The following ZFHX2 variants were observed in gnomAD, a reference collection of about 807,000 sequenced individuals.
ZFHX2 encodes zinc finger homeobox protein 2.
ZFHX2 carries 75 observed loss-of-function variants against 164.8 expected under a neutral mutation model. The observed-to-expected ratio is 0.46, with a 90% CI of 0.38 to 0.55. The LOEUF is 0.55. ZFHX2 is among the 20% of genes least tolerant of loss of function. The probability of loss-of-function intolerance (pLI) is 0.00; values close to 1 mark genes in which losing one functional copy is unlikely to be tolerated. For synonymous variants in ZFHX2, 1,217 were observed against 1,351.4 expected, an observed-to-expected ratio of 0.90 and a Z score of 2.18; for missense variants, 2,933 against 3,308.0, an observed-to-expected ratio of 0.89 and a Z score of 2.78.
chr14:23,524,042 G>A lies in ZFHX2; in HGVS notation c.5900C>T (p.Pro1967Leu). The A allele has an allele frequency of 1.3e-6, 2 of 1,513,942 alleles. No homozygotes were observed. The highest frequency in any genetic ancestry group is 4.9e-5 in the East Asian group (2 of 40,694). The allele number at this position is 1,513,942 out of a possible 1,614,324, so 93.8% of individuals were successfully genotyped here. ...AGAAGCAAGCGTGGCAGTGGGGTAG[G>A]GAAAAGCAGGTGCTTCCCTCTTTGG... ...EAPKREAPAF[P>L]YPTATLASGP... Residue 1967 changes from proline (P) to leucine (L), a missense_variant, in exon 9 of 10, where the codon CCC (proline) becomes CTC (leucine). Pro to Leu is a moderately conservative substitution (Grantham distance 98). Transcript: ENST00000419474. The surrounding 1 kb of genome is among the most constrained non-coding windows in gnomAD (Gnocchi z 5.6).
At chr14:23,531,883 T>C (rs1297238578) in intron 3 of ZFHX2, 162 bp from the exon 4 acceptor site, 1 of 966,138 alleles carries the variant, frequency 1.0e-6, no homozygotes, top group Non-Finnish European at 1.3e-6. Flanking sequence ...GTTCAGTGAT[T>C]CTCATGCCTC....
rs1690476415 is a variant in ZFHX2, at chr14:23,523,455, C to T, written c.6487G>A (p.Gly2163Ser). The change falls in exon 9 of 10, where the codon GGC becomes AGC. Residue 2163 changes from glycine (G) to serine (S), a missense_variant. Physicochemically the swap from Gly to Ser is moderately conservative, Grantham distance 56. Coordinates refer to ENST00000419474, the MANE Select transcript of ZFHX2 (RefSeq NM_033400.3). This position sits in a 1 kb window ranked among gnomAD's most constrained non-coding sequence, Gnocchi z 4.1. Reference sequence around the variant, plus strand: ...AGGTGCTGACGGGAAAAGAGATGGCCTCGGCAGGAGACATAGAAATCATAC... The same window carrying T: ...AGGTGCTGACGGGAAAAGAGATGGCTTCGGCAGGAGACATAGAAATCATAC... ...VKYDFYVSCR[G>S]HLFSRQHLAK... The T allele has an allele frequency of 3.9e-6, 6 of 1,535,744 alleles. No homozygotes were observed. The highest frequency in any genetic ancestry group is 2.7e-5 in the African/African-American group (2 of 73,042).
At chr14:23,553,789 G>A (rs1882144777), upstream of ZFHX2, among the ~76,000 whole-genome samples, 2 of 152,142 alleles carry the variant, frequency 1.3e-5, no homozygotes, top group Non-Finnish European at 1.5e-5. Flanking sequence ...ATCTACTTGG[G>A]AGGCTGAGGC....
chr14:23,527,059 T>C, intron 7 of ZFHX2, 86 bp from the exon 8 acceptor site: 1 of 1,404,266 alleles, frequency 7.1e-7, no homozygotes, highest in Non-Finnish European at 9.2e-7. Context: ...ACACCTGTAC[T>C]TGTGCCGAGA....
chr14:23,526,789 T>C (rs961299882), intron 8 of ZFHX2, 58 bp downstream of exon 8: 2 of 1,525,580 alleles, frequency 1.3e-6, no homozygotes, highest in Non-Finnish European at 1.8e-6. Context: ...TCAGACCTTG[T>C]TGGCCCATGG....
Position 23,524,852 on chromosome 14 carries a change from G to C in ZFHX2, c.5090C>G (p.Thr1697Ser), listed in dbSNP as rs1470457697. ...RHLKKCYDDQ[T>S]LEEEEEEAER... is the part of the protein sequence containing the mutation. ...TGCCTCTTCCTCCTCCTCTTCAAGGGTCTGGTCATCATAGCACTTCTTGAG... is the reference window on the plus strand; with the variant it reads ...TGCCTCTTCCTCCTCCTCTTCAAGGCTCTGGTCATCATAGCACTTCTTGAG... The change falls in exon 9 of 10, where the codon ACC becomes AGC. Residue 1697 changes from threonine to serine, a missense_variant. Coordinates refer to ENST00000419474, the MANE Select transcript of ZFHX2 (RefSeq NM_033400.3). The surrounding 1 kb of genome is among the most constrained non-coding windows in gnomAD (Gnocchi z 5.6). 6.5e-7 allele frequency: 1 copy of C among 1,536,632 alleles called. No individual in the cohort carries two copies. Among genetic ancestry groups the C allele is most frequent in the South Asian group, 1.2e-5 (1 of 84,040 alleles).
In ZFHX2 at chr14:23,534,661, T is replaced by C. The variant is rs1879959508; in HGVS notation, c.665A>G (p.Asp222Gly). The change falls in exon 2 of 10, where the codon GAT becomes GGT. Residue 222 changes from aspartate (D) to glycine (G), a missense_variant. Coordinates refer to ENST00000419474, the MANE Select transcript of ZFHX2 (RefSeq NM_033400.3). The surrounding 1 kb of genome is among the most constrained non-coding windows in gnomAD (Gnocchi z 4.5). ...GCCCCCGCTGTTCCCCATGGGGCCA[T>C]CTTTGGGATCTCCGGGTGGATTTGG... ...LAPNPPGDPK[D>G]GPMGNSGGNH... is the part of the protein sequence containing the mutation. 2.0e-6 allele frequency: 3 copies of C among 1,536,134 alleles called. No homozygotes were observed. Among genetic ancestry groups the C allele is most frequent in the Middle Eastern group, 1.7e-4 (1 of 5,990 alleles).
At position 23,527,489 on chromosome 14, in the gene ZFHX2, T is replaced by C. The variant is rs1878890794; in HGVS notation, c.3135+115A>G. 4.4e-6 allele frequency: 6 copies of C among 1,357,808 alleles called. No individual in the cohort carries two copies. The East Asian group carries it at 7.5e-5, about 17-fold the overall frequency. 84.1% of individuals were successfully genotyped at this position (1,357,808 alleles called of 1,614,324 possible). On this transcript the variant is annotated intron_variant, in intron 7 of 9. Transcript: ENST00000419474. ...CACCCAGCCAACACACGCACTTGCC[T>C]GAATGCCCCCTGCCCCCAACACATG...
At position 23,532,726 on chromosome 14, in the gene ZFHX2, G is replaced by A. The variant is rs1879721365; in HGVS notation, c.2400C>T (p.Gly800=). The stretch of plus-strand genomic sequence containing the variant: ...CTCCCAGGGATGCTGGGGAAGGGGT[G>A]CCCATGGCTCCACCCCCCTCCCGCA... ...AHLREGGGAM[G]TPSPASLGDG... is the part of the protein sequence containing the mutation. The change falls in exon 3 of 10, where the codon GGC becomes GGT. Residue 800 remains glycine, a synonymous_variant. Coordinates refer to ENST00000419474, the MANE Select transcript of ZFHX2 (RefSeq NM_033400.3). The A allele has an allele frequency of 6.5e-7, 1 of 1,535,652 alleles. No individual in the cohort carries two copies. Among genetic ancestry groups the A allele is most frequent in the African/African-American group, 1.4e-5 (1 of 73,176 alleles).
Position 23,525,857 on chromosome 14 carries a change from T to A in ZFHX2, c.4085A>T (p.Gln1362Leu). ...PESLLKLQQQ[Q>L]LLLPFYLHDL... Reference sequence around the variant, plus strand: ...GTGGAGGTAGAAGGGCAGGAGCAGCTGCTGCTGCTGGAGCTTAAGCAGTGA... The same window carrying A: ...GTGGAGGTAGAAGGGCAGGAGCAGCAGCTGCTGCTGGAGCTTAAGCAGTGA... Residue 1362 changes from glutamine to leucine, a missense_variant, in exon 9 of 10, where the codon CAG (glutamine) becomes CTG (leucine). Transcript: ENST00000419474. This position sits in a 1 kb window ranked among gnomAD's most constrained non-coding sequence, Gnocchi z 5.9. The A allele has an allele frequency of 6.9e-7, 1 of 1,452,892 alleles. No individual in the cohort carries two copies. Among genetic ancestry groups the A allele is most frequent in the Non-Finnish European group, 9.0e-7 (1 of 1,108,820 alleles). The allele number at this position is 1,452,892 out of a possible 1,614,324, so 90.0% of individuals were successfully genotyped here. A position where few individuals can be genotyped will look rare whatever the true frequency, so the allele number is the denominator to read the frequency against.
At chr14:23,544,284 A>G (rs1302146305) in intron 1 of ZFHX2, 2 of 98,442 alleles carry the variant, frequency 2.0e-5, no homozygotes, top group Non-Finnish European at 4.2e-5. Flanking sequence ...CAGAAAACAG[A>G]AAAAAAAAAA....
intron 1 of ZFHX2, chr14:23,548,548 G>C (rs1369141049): frequency 6.6e-6 from 1 of 152,220 alleles, no homozygotes; most frequent in African/African-American, 2.4e-5. Context: ...GACATCAGAG[G>C]CTTGAGGTCT....
At position 23,521,617 on chromosome 14, in the gene ZFHX2, G is replaced by C. The variant is rs4982765; in HGVS notation, c.*345C>G. 2.0e-3 allele frequency: 469 copies of C among 239,942 alleles called. 4 individuals carry two copies. The highest frequency in any genetic ancestry group is 0.014 in the Admixed American group (272 of 19,914). 14.9% of individuals were successfully genotyped at this position (239,942 alleles called of 1,614,324 possible). A position where few individuals can be genotyped will look rare whatever the true frequency, so the allele number is the denominator to read the frequency against. Reference sequence around the variant, plus strand: ...GGATGGGGAGCTGGGAATTCAGTGAGGAAAAGGAAGATAGAACCAAGGATA... The same window carrying C: ...GGATGGGGAGCTGGGAATTCAGTGACGAAAAGGAAGATAGAACCAAGGATA... On this transcript the variant is annotated 3_prime_UTR_variant, in exon 10 of 10. Coordinates refer to ENST00000419474, the MANE Select transcript of ZFHX2 (RefSeq NM_033400.3).
In ZFHX2 at chr14:23,535,244, A is replaced by C. The variant is rs968405323; in HGVS notation, c.82T>G (p.Phe28Val). 2.0e-6 allele frequency: 3 copies of C among 1,515,678 alleles called. No individual in the cohort carries two copies. The highest frequency in any genetic ancestry group is 2.6e-6 in the Non-Finnish European group (3 of 1,132,224). The allele number at this position is 1,515,678 out of a possible 1,614,324, so 93.9% of individuals were successfully genotyped here. A position where few individuals can be genotyped will look rare whatever the true frequency, so the allele number is the denominator to read the frequency against. The change falls in exon 2 of 10, where the codon TTC becomes GTC. Residue 28 changes from phenylalanine (F) to valine (V), a missense_variant. Transcript: ENST00000419474. The surrounding 1 kb of genome is among the most constrained non-coding windows in gnomAD (Gnocchi z 4.5). ...GGATCAGAGGGGGTGCTGGAGGAGA[A>C]GGTGTCCGAAGGCAGGGACGGGGCA... ...HNAPSLPSDT[F>V]SSSTPSDPVT...
intron 1 of ZFHX2, among the ~76,000 whole-genome samples, chr14:23,548,805 G>A (rs895279279): frequency 6.6e-6 from 1 of 152,116 alleles, no homozygotes; most frequent in Non-Finnish European, 1.5e-5. Flanking sequence ...TTCGCCCAGT[G>A]GTATTCCTGC....
At chr14:23,532,227 C>T (rs1020713322) in intron 3 of ZFHX2, 2 of 218,712 alleles carry the variant, frequency 9.1e-6, no homozygotes, top group Non-Finnish European at 1.8e-5. Flanking sequence ...TTTCTCCTAC[C>T]ACTCCTGGAC....
In ZFHX2 at chr14:23,524,184, T is replaced by C. The variant is rs774868318; in HGVS notation, c.5758A>G (p.Thr1920Ala). 6.5e-7 allele frequency: 1 copy of C among 1,535,892 alleles called. No homozygotes were observed. The highest frequency in any genetic ancestry group is 8.7e-7 in the Non-Finnish European group (1 of 1,146,846). ...ARERKGQFRSTPGGVPSPAVK... is the reference protein window; with the variant it reads ...ARERKGQFRSAPGGVPSPAVK... Reference sequence around the variant, plus strand: ...GCTGGACTAGGCACCCCCCCAGGGGTGCTTCGAAACTGGCCTTTCCTCTCC... The same window carrying C: ...GCTGGACTAGGCACCCCCCCAGGGGCGCTTCGAAACTGGCCTTTCCTCTCC... The change falls in exon 9 of 10, where the codon ACC (threonine) becomes GCC (alanine). Residue 1920 changes from threonine to alanine, a missense_variant. Transcript: ENST00000419474. The surrounding 1 kb of genome is among the most constrained non-coding windows in gnomAD (Gnocchi z 5.6).
Position 23,522,822 on chromosome 14 carries a change from T to C in ZFHX2, c.6859A>G (p.Asn2287Asp), listed in dbSNP as rs375941600. ...TCAGTGGTGCCTGCTGTGGAGGTGT[T>C]GGTTTGGTCGGGCATGGGTCTCTGA... is the stretch of plus-strand genomic sequence containing the variant. Reference protein sequence around the residue: ...LPQRPMPDQTNTSTAGTTDPV... With the variant: ...LPQRPMPDQTDTSTAGTTDPV... The change falls in exon 10 of 10, where the codon AAC (asparagine) becomes GAC (aspartate). Residue 2287 changes from asparagine (N) to aspartate (D), a missense_variant. Asn to Asp is a conservative substitution (Grantham distance 23, BLOSUM62 1). Transcript: ENST00000419474. 43 of 1,535,452 alleles carry C rather than the reference T, an allele frequency of 2.8e-5. 2 individuals are homozygous for C. In the East Asian group the frequency reaches 7.8e-4, roughly 28 times the overall value.
In ZFHX2 at chr14:23,535,284, G is replaced by A. The variant is rs1294801174; in HGVS notation, c.42C>T (p.Pro14=). The change falls in exon 2 of 10, where the codon CCC becomes CCT. Residue 14 remains proline (P), a synonymous_variant. Transcript: ENST00000419474. The surrounding 1 kb of genome is among the most constrained non-coding windows in gnomAD (Gnocchi z 4.5). ...GGGACGGGGCATTGTGCCCAGGGGA[G>A]GGGGTGGTACCAGTGGTAGAGGCTG... ...LNSASTTGTT[P]SPGHNAPSLP... is the part of the protein sequence containing the mutation. 4.0e-6 allele frequency: 6 copies of A among 1,485,312 alleles called. No homozygotes were observed. The highest frequency in any genetic ancestry group is 1.3e-5 in the South Asian group (1 of 76,004). The allele number at this position is 1,485,312 out of a possible 1,614,324, so 92.0% of individuals were successfully genotyped here. A position where few individuals can be genotyped will look rare whatever the true frequency, so the allele number is the denominator to read the frequency against.
Sources: allele counts gnomAD v4.1 joint callset (sites outside exome capture counted in the v4.1 genomes callset), GRCh38; gene constraint gnomAD v4.1.1; non-coding constraint Gnocchi (gnomAD v3.1); transcripts MANE v1.5; gene names NCBI Gene and HGNC (gene_info 2026-07-23, HGNC 2026-07-21).